The following MAGI2 variants were observed in gnomAD, a reference collection of about 807,000 sequenced individuals.
The protein encoded by MAGI2 is membrane-associated guanylate kinase, WW and PDZ domain-containing protein 2.
In MAGI2, 35 loss-of-function variants were observed where a neutral mutation model predicts 133.3. The ratio of observed to expected loss-of-function variants is 0.26; its 90% CI spans 0.20 to 0.35. The LOEUF (loss-of-function observed/expected upper bound fraction) is 0.35, where lower values mean the gene tolerates loss of function less well. Ranked by LOEUF, MAGI2 falls within the 10% of genes least tolerant of loss-of-function variation. MAGI2 has a pLI of 1.00. For synonymous variants in MAGI2, 729 were observed against 710.6 expected (o/e 1.03, Z -0.41); for missense variants, 1,636 against 1,863.4 (o/e 0.88, Z 2.25).
chr7:79,397,372 C>T (rs1296881711), intron 1 of MAGI2, among the ~76,000 whole-genome samples: 2 of 151,544 alleles, frequency 1.3e-5, no homozygotes, highest in Non-Finnish European at 2.9e-5. Context: ...GCCTAAAATT[C>T]CCTGTTTGAA....
intron 20 of MAGI2, among the ~76,000 whole-genome samples, chr7:78,116,530 T>C (rs1336226388): frequency 6.6e-6 from 1 of 152,136 alleles, no homozygotes; most frequent in Admixed American, 6.5e-5. Flanking sequence ...AAAAATGGAA[T>C]ACCAGAACAG....
intron 1 of MAGI2, among the ~76,000 whole-genome samples, chr7:79,165,488 A>T (rs1824821477): frequency 6.6e-6 from 1 of 152,076 alleles, no homozygotes; most frequent in Non-Finnish European, 1.5e-5. Flanking sequence ...TATTCAAAAT[A>T]ATACAAAAAA....
rs1431490587 is a variant in MAGI2 at position 78,019,515 on chromosome 7, C to T, written c.4168G>A (p.Ala1390Thr). 3 of 980,352 alleles carry T rather than the reference C, an allele frequency of 3.1e-6. No individual in the cohort carries two copies. The highest frequency in any genetic ancestry group is 9.1e-5 in the South Asian group (2 of 21,946). The allele number at this position is 980,352 out of a possible 1,614,324, so 60.7% of individuals were successfully genotyped here. The change falls in exon 22 of 22, where the codon GCC becomes ACC. Residue 1390 changes from alanine to threonine, a missense_variant. Coordinates refer to ENST00000354212, the MANE Select transcript of MAGI2 (RefSeq NM_012301.4). ...CCGCTGCCGCCGCCGCCCGGGCCGG[C>T]AAACGCCGGCGCAGCCCCCGGGCCT... ...REGPGAAPAF[A>T]GPGGGGSGAL...
intron 1 of MAGI2, among the ~76,000 whole-genome samples, chr7:79,130,812 C>T (rs777461871): frequency 6.6e-6 from 1 of 152,134 alleles, no homozygotes; most frequent in Non-Finnish European, 1.5e-5. Flanking sequence ...GTAAAGGAAA[C>T]AGAAGCTCAC....
At chr7:78,251,513 C>T (rs1792379471) in intron 10 of MAGI2, 1 of 152,056 alleles carries the variant, frequency 6.6e-6, no homozygotes, top group Admixed American at 6.6e-5. Flanking sequence ...CTTAAAGAGT[C>T]AGTTTAATAA....
chr7:78,100,707 T>G (rs1347174560), intron 20 of MAGI2, among the ~76,000 whole-genome samples: 1 of 151,958 alleles, frequency 6.6e-6, no homozygotes, highest in Non-Finnish European at 1.5e-5. Context: ...GTGTGCTTGC[T>G]ATATGTCGGT....
At chr7:79,318,586 T>C (rs1838926197) in intron 1 of MAGI2, among the ~76,000 whole-genome samples, 1 of 152,146 alleles carries the variant, frequency 6.6e-6, no homozygotes, top group African/African-American at 2.4e-5. Flanking sequence ...ACTTATCAAA[T>C]TTTTACTCCG....
At chr7:78,940,450 T>C (rs867402061) in intron 2 of MAGI2, 3 of 152,182 alleles carry the variant, frequency 2.0e-5, no homozygotes, top group Non-Finnish European at 4.4e-5. Flanking sequence ...TTTCTCTATG[T>C]CATTTTAGGG....
At chr7:78,875,078 C>A (rs1458661970) in intron 2 of MAGI2, among the ~76,000 whole-genome samples, 1 of 152,012 alleles carries the variant, frequency 6.6e-6, no homozygotes, top group Non-Finnish European at 1.5e-5. Context: ...AAAAAAGCTG[C>A]AGAAAAGAGG....
chr7:78,299,486 G>A (rs1389498637), intron 9 of MAGI2, among the ~76,000 whole-genome samples: 1 of 152,124 alleles, frequency 6.6e-6, no homozygotes, highest in Non-Finnish European at 1.5e-5. Context: ...TATAAGCACA[G>A]TATGATTATG....
chr7:79,428,895 T>C (rs2129185026), intron 1 of MAGI2, among the ~76,000 whole-genome samples: 1 of 152,312 alleles, frequency 6.6e-6, no homozygotes, highest in South Asian at 2.1e-4. Context: ...CTGTCTGTTT[T>C]CCAATAGGTA....
At position 78,573,241 on chromosome 7, in the gene MAGI2, T is replaced by A. The variant is rs867625556; in HGVS notation, c.539-51596A>T. Among the ~76,000 whole-genome samples, 88 of 51,306 alleles carry A rather than the reference T, an allele frequency of 1.7e-3. 1 individual carries two copies. The highest frequency in any genetic ancestry group is 3.9e-3 in the Admixed American group (11 of 2,834). The allele number at this position is 51,306 out of a possible 152,430, so 33.7% of individuals were successfully genotyped here. A position where few individuals can be genotyped will look rare whatever the true frequency, so the allele number is the denominator to read the frequency against. Reference sequence around the variant, plus strand: ...AAATATATATAAATATAAATATATATATATAAATATATATAAATATAAATA... The same window carrying A: ...AAATATATATAAATATAAATATATAAATATAAATATATATAAATATAAATA... On this transcript the variant is annotated intron_variant, in intron 3 of 21. Transcript: ENST00000354212.
In MAGI2 at chr7:79,401,406, T is replaced by C. The variant is rs146505907; in HGVS notation, c.301+51614A>G. ...GCAATATCAGTTTTCAGGCAGGAGATAGAATGTCCAAACTTGAGGAGTGGC... is the reference window on the plus strand; with the variant it reads ...GCAATATCAGTTTTCAGGCAGGAGACAGAATGTCCAAACTTGAGGAGTGGC... On this transcript the variant is annotated intron_variant, in intron 1 of 21. Transcript: ENST00000354212. Among the ~76,000 whole-genome samples the C allele has an allele frequency of 8.0e-3, 1,220 of 152,310 alleles. 12 individuals carry two copies. Among genetic ancestry groups the C allele is most frequent in the African/African-American group, 0.018 (764 of 41,562 alleles).
chr7:79,308,206 T>C (rs1837974174), intron 1 of MAGI2, among the ~76,000 whole-genome samples: 2 of 152,152 alleles, frequency 1.3e-5, no homozygotes, highest in Non-Finnish European at 1.5e-5. Context: ...ATAGACAAAC[T>C]GTTATATTTC....
At chr7:78,883,258 A>G (rs535373297) in intron 2 of MAGI2, among the ~76,000 whole-genome samples, 6 of 152,194 alleles carry the variant, frequency 3.9e-5, no homozygotes, top group African/African-American at 1.4e-4. Flanking sequence ...TAATAGACAC[A>G]CACACAAAAC....
intron 20 of MAGI2, among the ~76,000 whole-genome samples, chr7:78,116,458 G>A (rs1819880769): frequency 6.6e-6 from 1 of 151,672 alleles, no homozygotes; most frequent in African/African-American, 2.4e-5. Context: ...AGACAAATAT[G>A]TAAGCTGACT....
At chr7:79,208,643 T>C (rs1416309723) in intron 1 of MAGI2, among the ~76,000 whole-genome samples, 1 of 151,972 alleles carries the variant, frequency 6.6e-6, no homozygotes, top group African/African-American at 2.4e-5. Context: ...ACATTAGAAA[T>C]AGAATTACCA....
chr7:78,183,086 C>A lies in MAGI2; in HGVS notation c.2311+2543G>T, dbSNP rs182269230. On this transcript the variant is annotated intron_variant, in intron 13 of 21. Transcript: ENST00000354212. ...TTTCATAAATATGTATTATTTAGAA[C>A]TTCCTACTATCAATTTTGCCTCTGT... Among the ~76,000 whole-genome samples, 264 of 152,236 alleles carry A rather than the reference C, an allele frequency of 1.7e-3. 1 individual carries two copies. The highest frequency in any genetic ancestry group is 6.1e-3 in the African/African-American group (252 of 41,542).
chr7:79,297,262 A>T (rs1837010110), intron 1 of MAGI2, among the ~76,000 whole-genome samples: 2 of 152,232 alleles, frequency 1.3e-5, no homozygotes, highest in Non-Finnish European at 2.9e-5. Flanking sequence ...TTTCAAATTG[A>T]TAAACTATGA....
Sources: gnomAD v4.1 joint callset for allele counts (sites outside exome capture counted in the v4.1 genomes callset) on GRCh38, gnomAD v4.1.1 for gene constraint, MANE v1.5 for transcripts, NCBI Gene and HGNC (gene_info 2026-07-23, HGNC 2026-07-21) for gene names.